The following TRDN variants were observed in gnomAD, a reference collection of about 807,000 sequenced individuals.
TRDN encodes triadin, also known as triadin in skeletal muscle.
A neutral mutation model predicts 149.7 loss-of-function variants in TRDN; 161 were observed. That is an observed-to-expected ratio of 1.08 (90% CI 0.95 to 1.23). TRDN has a LOEUF of 1.23. Among genes scored for constraint, TRDN ranks in the 50% most tolerant of loss-of-function variants. TRDN has a pLI of 0.00. For synonymous variants in TRDN, 294 were observed against 250.5 expected (o/e 1.17, Z -1.64); for missense variants, 896 against 823.5 (o/e 1.09, Z -1.08).
At chr6:123,435,851 A>G (rs1014759475) in intron 12 of TRDN, among the ~76,000 whole-genome samples, 3 of 152,068 alleles carry the variant, frequency 2.0e-5, no homozygotes, top group African/African-American at 4.8e-5. Flanking sequence ...CCAGTGGTGC[A>G]CAACCTCACT....
intron 8 of TRDN, chr6:123,498,661 A>C: frequency 2.1e-6 from 1 of 470,094 alleles, no homozygotes; most frequent in Non-Finnish European, 4.4e-6. Context: ...ATTGGGAAAG[A>C]CATAAGGTTA....
intron 15 of TRDN, among the ~76,000 whole-genome samples, chr6:123,381,841 A>T (rs1209890499): frequency 1.3e-5 from 2 of 151,972 alleles, no homozygotes; most frequent in Non-Finnish European, 2.9e-5. Flanking sequence ...AAAATTTTTC[A>T]ATTTCTTGTT....
At chr6:123,258,379 T>C (rs998954309) in intron 35 of TRDN, among the ~76,000 whole-genome samples, 6 of 152,202 alleles carry the variant, frequency 3.9e-5, no homozygotes, top group African/African-American at 1.4e-4. Flanking sequence ...CTTTTCTTTA[T>C]CTATTGAAAT....
intron 19 of TRDN, among the ~76,000 whole-genome samples, chr6:123,374,939 A>T (rs906596462): frequency 6.6e-5 from 10 of 152,194 alleles, no homozygotes; most frequent in Non-Finnish European, 1.0e-4. Flanking sequence ...GACTGACTTA[A>T]ATCCTATATA....
At chr6:123,372,013 T>C (rs1781344319) in intron 19 of TRDN, among the ~76,000 whole-genome samples, 1 of 152,120 alleles carries the variant, frequency 6.6e-6, no homozygotes, top group Admixed American at 6.6e-5. Context: ...CCAAGACTGT[T>C]CTAACTGACT....
intron 39 of TRDN, among the ~76,000 whole-genome samples, chr6:123,222,900 C>T (rs1315678541): frequency 6.6e-6 from 1 of 151,754 alleles, no homozygotes; most frequent in Non-Finnish European, 1.5e-5. Context: ...AAAAAAAGCT[C>T]AACATCACTA....
chr6:123,401,869 C>T (rs1582973111), intron 12 of TRDN, among the ~76,000 whole-genome samples: 1 of 151,722 alleles, frequency 6.6e-6, no homozygotes, highest in East Asian at 1.9e-4. Context: ...ATTGCTTGAA[C>T]CCGGGAGGTG....
At chr6:123,611,559 C>T (rs1259538874) in intron 1 of TRDN, among the ~76,000 whole-genome samples, 1 of 151,998 alleles carries the variant, frequency 6.6e-6, no homozygotes, top group Non-Finnish European at 1.5e-5. Context: ...TTTATGATGT[C>T]CTATTATGTA....
At chr6:123,314,380 G>A (rs1033807851) in intron 24 of TRDN, among the ~76,000 whole-genome samples, 7 of 151,946 alleles carry the variant, frequency 4.6e-5, no homozygotes, top group Admixed American at 1.3e-4. Flanking sequence ...AAAAAGGAAC[G>A]CATATACAAT....
intron 2 of TRDN, among the ~76,000 whole-genome samples, chr6:123,559,457 G>T (rs869035733): frequency 6.6e-6 from 1 of 152,054 alleles, no homozygotes; most frequent in African/African-American, 2.4e-5. Flanking sequence ...TCTCATTGCT[G>T]CCCTTCTTCC....
At chr6:123,296,674 T>TG (rs1562250036) in intron 24 of TRDN, among the ~76,000 whole-genome samples, 2 of 151,794 alleles carry the variant, frequency 1.3e-5, no homozygotes, top group African/African-American at 4.8e-5. Flanking sequence ...TATTCTCATA[T>TG]AAGGCAGTCT....
intron 1 of TRDN, among the ~76,000 whole-genome samples, chr6:123,602,427 G>A (rs1583309869): frequency 8.8e-6 from 1 of 113,602 alleles, no homozygotes; most frequent in Non-Finnish European, 2.1e-5. Flanking sequence ...GGACACAGAG[G>A]GAAGGGTTGT....
intron 10 of TRDN, among the ~76,000 whole-genome samples, chr6:123,440,061 T>C (rs1052772972): frequency 1.3e-5 from 2 of 152,200 alleles, no homozygotes; most frequent in African/African-American, 4.8e-5. Context: ...AGTTCTAGAA[T>C]GAATCCTTAA....
At chr6:123,358,223 A>G (rs1455449617) in intron 20 of TRDN, among the ~76,000 whole-genome samples, 3 of 152,188 alleles carry the variant, frequency 2.0e-5, no homozygotes, top group African/African-American at 4.8e-5. Context: ...TACTTCAGAA[A>G]TCAAAACTAA....
At chr6:123,462,885 A>G (rs1562326755) in intron 10 of TRDN, 1 of 152,118 alleles carries the variant, frequency 6.6e-6, no homozygotes, top group Admixed American at 6.6e-5. Flanking sequence ...AAAGCCCATG[A>G]TCTCAGCATT....
intron 6 of TRDN, among the ~76,000 whole-genome samples, 153 bp downstream of exon 6, chr6:123,515,988 A>C (rs1779392763): frequency 6.6e-6 from 1 of 152,086 alleles, no homozygotes; most frequent in South Asian, 2.1e-4. Context: ...ATTTCTCTCA[A>C]TCCAGAAATT....
At chr6:123,236,566 A>G (rs923596341) in intron 38 of TRDN, among the ~76,000 whole-genome samples, 2 of 152,126 alleles carry the variant, frequency 1.3e-5, no homozygotes, top group Non-Finnish European at 2.9e-5. Flanking sequence ...AAGTTTGATA[A>G]TTTCATGTTT....
chr6:123,435,747 C>T (rs566376829), intron 12 of TRDN, among the ~76,000 whole-genome samples: 5 of 152,118 alleles, frequency 3.3e-5, no homozygotes, highest in Non-Finnish European at 5.9e-5. Flanking sequence ...ATAGTCCTGC[C>T]TAGATGTGCT....
chr6:123,352,514 G>A (rs746883462), intron 21 of TRDN, 25 bp downstream of exon 21: 1 of 1,608,842 alleles, frequency 6.2e-7, no homozygotes, highest in South Asian at 1.1e-5. Context: ...AGAAGATAAT[G>A]TCAACCTCCT....
Sources: allele counts gnomAD v4.1 joint callset (sites outside exome capture counted in the v4.1 genomes callset), GRCh38; gene constraint gnomAD v4.1.1; transcripts MANE v1.5; gene names NCBI Gene and HGNC (gene_info 2026-07-23, HGNC 2026-07-21).